The following SCN11A variants were observed in gnomAD, a reference collection of about 807,000 sequenced individuals.
SCN11A encodes sodium channel protein type 11 subunit alpha.
Under a neutral mutation model 162.2 loss-of-function variants are expected in SCN11A, and 122 were observed. The ratio of observed to expected loss-of-function variants is 0.75; its 90% confidence interval spans 0.65 to 0.87. The LOEUF is 0.87. SCN11A is among the 40% of genes least tolerant of loss of function. SCN11A has a pLI of 0.00. For missense variants in SCN11A, 2,015 were observed against 2,181.6 expected, an observed-to-expected ratio of 0.92 and a Z score of 1.52; for synonymous variants, 758 against 751.5, an observed-to-expected ratio of 1.01 and a Z score of -0.14.
intron 8 of SCN11A, 73 bp downstream of exon 8, chr3:38,926,730 C>A: frequency 6.7e-7 from 1 of 1,481,906 alleles, no homozygotes; most frequent in South Asian, 1.2e-5. Flanking sequence ...TGGATCCACA[C>A]AGAGCTCTGA....
At chr3:38,923,396 C>T (rs1237324532) in intron 9 of SCN11A, among the ~76,000 whole-genome samples, 2 of 152,084 alleles carry the variant, frequency 1.3e-5, no homozygotes, top group African/African-American at 4.8e-5. Context: ...TCATATATAC[C>T]TAATTTCCTG....
Position 38,872,229 on chromosome 3 carries a change from C to G in SCN11A, c.3459G>C (p.Arg1153Ser), listed in dbSNP as rs765228690. 1 of 1,609,564 alleles carries G rather than the reference C, an allele frequency of 6.2e-7. No homozygotes were observed. The highest frequency in any genetic ancestry group is 8.5e-7 in the Non-Finnish European group (1 of 1,176,156). ...LKSFRTLRAL[R>S]PLRALSQFEG... ...CAAACTGGGACAGCGCACGAAGAGG[C>G]CTCAGTGCTCGTAGAGTCCGGAAGG... Residue 1153 changes from arginine (R) to serine (S), a missense_variant, in exon 24 of 30, where the codon AGG becomes AGC. Coordinates refer to ENST00000302328, the MANE Select transcript of SCN11A (RefSeq NM_001349253.2).
At chr3:38,870,505 C>G (rs1429110701) in intron 26 of SCN11A, among the ~76,000 whole-genome samples, 186 bp downstream of exon 26, 1 of 152,212 alleles carries the variant, frequency 6.6e-6, no homozygotes, top group Non-Finnish European at 1.5e-5. Flanking sequence ...GTATCAGATA[C>G]TCACTAGAGG....
chr3:38,968,408 A>C (rs1400057500), intron 2 of SCN11A, among the ~76,000 whole-genome samples: 1 of 152,224 alleles, frequency 6.6e-6, no homozygotes, highest in Non-Finnish European at 1.5e-5. Context: ...GGGAGAAGCA[A>C]TCCCTAAAGA....
chr3:38,973,771 T>A (rs187907268), intron 2 of SCN11A, among the ~76,000 whole-genome samples: 8 of 152,176 alleles, frequency 5.3e-5, no homozygotes, highest in African/African-American at 1.4e-4. Context: ...CTTGGATGAC[T>A]GCACAAGGTT....
At chr3:38,996,396 G>A (rs2030632754) in intron 2 of SCN11A, among the ~76,000 whole-genome samples, 1 of 152,162 alleles carries the variant, frequency 6.6e-6, no homozygotes, top group Non-Finnish European at 1.5e-5. Flanking sequence ...GTATCTTGCT[G>A]TCAAGATTCA....
rs930002791 is a variant in SCN11A, at chr3:38,899,850, C to G, written c.2022+44G>C. On this transcript the variant is annotated intron_variant, in intron 17 of 29. Transcript: ENST00000302328. ...GAACTCACTCAAAACGTTTTTTCCACTTAGGCAGCTACGTTTATGCAGTAA... is the reference window on the plus strand; with the variant it reads ...GAACTCACTCAAAACGTTTTTTCCAGTTAGGCAGCTACGTTTATGCAGTAA... The G allele has an allele frequency of 1.0e-5, 16 of 1,542,410 alleles. No homozygotes were observed. The African/African-American group carries it at 1.9e-4, about 19-fold the overall frequency.
intron 12 of SCN11A, among the ~76,000 whole-genome samples, chr3:38,909,587 T>C (rs1398797353): frequency 6.7e-6 from 1 of 150,334 alleles, no homozygotes; most frequent in South Asian, 2.1e-4. Context: ...AAGTTTCTTT[T>C]TTTTTTTTTT....
At position 38,889,749 on chromosome 3, in the gene SCN11A, G is replaced by A. The variant is rs1575251721; in HGVS notation, c.2836-3511C>T. Among the ~76,000 whole-genome samples, 3 of 151,120 alleles carry A rather than the reference G, an allele frequency of 2.0e-5. No individual in the cohort carries two copies. The Middle Eastern group carries it at 0.01, about 514-fold the overall frequency. On this transcript the variant is annotated intron_variant, in intron 19 of 29. Transcript: ENST00000302328. ...CGGGAGCCAGAGCTTGCAGTGAGCGGAGATCATGCCACTGCACTCCAGCCT... is the reference window on the plus strand; with the variant it reads ...CGGGAGCCAGAGCTTGCAGTGAGCGAAGATCATGCCACTGCACTCCAGCCT...
At chr3:39,017,577 A>T (rs892100105) in intron 2 of SCN11A, among the ~76,000 whole-genome samples, 1 of 152,172 alleles carries the variant, frequency 6.6e-6, no homozygotes, top group African/African-American at 2.4e-5. Flanking sequence ...AAATTTGGGA[A>T]AATTTCAACC....
chr3:39,009,843 ATTT>A (rs60263866), intron 2 of SCN11A, among the ~76,000 whole-genome samples: 13,495 of 115,162 alleles, frequency 0.12, 732 homozygotes, highest in Admixed American at 0.16. Context: ...CGCTCAGCTA[ATTT>A]TTTTTTTTTT....
At chr3:38,967,326 G>A (rs76736733) in intron 2 of SCN11A, among the ~76,000 whole-genome samples, 2,901 of 152,302 alleles carry the variant, frequency 0.019, 94 homozygotes, top group African/African-American at 0.066. Flanking sequence ...GGCATTGCAA[G>A]TTTTGTCTTG....
intron 2 of SCN11A, among the ~76,000 whole-genome samples, chr3:38,971,266 CT>C (rs2066815378): frequency 6.6e-6 from 1 of 152,006 alleles, no homozygotes; most frequent in Non-Finnish European, 1.5e-5. Context: ...ATACACAGAG[CT>C]CAGCAGAAGA....
intron 3 of SCN11A, among the ~76,000 whole-genome samples, chr3:38,954,885 A>C (rs999912173): frequency 2.0e-5 from 3 of 152,086 alleles, no homozygotes; most frequent in African/African-American, 7.2e-5. Context: ...GCCACTCGGG[A>C]GGCTGAGCAG....
intron 21 of SCN11A, 88 bp from the exon 22 acceptor site, chr3:38,883,475 C>T (rs1343199661): frequency 3.1e-6 from 4 of 1,295,138 alleles, no homozygotes; most frequent in Non-Finnish European, 4.3e-6. Context: ...GTGTTCATGC[C>T]CCTTGCCATG....
intron 2 of SCN11A, among the ~76,000 whole-genome samples, chr3:38,985,128 C>CTT (rs1161269109): frequency 1.3e-4 from 17 of 126,350 alleles, no homozygotes; most frequent in Non-Finnish European, 2.3e-4. Context: ...GGCTGGCTGT[C>CTT]TTTTTTTTTT....
intron 7 of SCN11A, among the ~76,000 whole-genome samples, chr3:38,942,276 T>C (rs1244674635): frequency 1.3e-5 from 2 of 152,122 alleles, no homozygotes; most frequent in African/African-American, 4.8e-5. Context: ...TTCAAGCCTC[T>C]CTTTCAGTAA....
intron 1 of SCN11A, among the ~76,000 whole-genome samples, chr3:39,040,197 T>A (rs889318532): frequency 6.6e-6 from 1 of 152,270 alleles, no homozygotes; most frequent in East Asian, 1.9e-4. Context: ...CAACAGTCTA[T>A]GCCACTGTGG....
chr3:38,868,126 G>C (rs2065071013), intron 26 of SCN11A, among the ~76,000 whole-genome samples: 1 of 152,120 alleles, frequency 6.6e-6, no homozygotes, highest in African/African-American at 2.4e-5. Flanking sequence ...CAAGTCCTTT[G>C]CATTGTTATT....
Sources: allele counts gnomAD v4.1 joint callset (sites outside exome capture counted in the v4.1 genomes callset), GRCh38; gene constraint gnomAD v4.1.1; transcripts MANE v1.5; gene names NCBI Gene and HGNC (gene_info 2026-07-23, HGNC 2026-07-21).